Variants in CDH13 observed in about 807,000 individuals in gnomAD.
The protein encoded by CDH13 is cadherin-13.
Under a neutral mutation model 63.8 loss-of-function variants are expected in CDH13, and 24 were observed. That is an observed-to-expected ratio of 0.38 (90% CI 0.27 to 0.53). CDH13 has a LOEUF of 0.53. Ranked by LOEUF, CDH13 falls within the 20% of genes least tolerant of loss-of-function variation. The probability of loss-of-function intolerance (pLI) is 0.85; values close to 1 mark genes in which losing one functional copy is unlikely to be tolerated. For missense variants in CDH13, 1,049 were observed against 903.1 expected (o/e 1.16, Z -2.07); for synonymous variants, 503 against 355.3 (o/e 1.42, Z -4.67).
At chr16:82,725,222 C>T (rs1256972521) in intron 1 of CDH13, among the ~76,000 whole-genome samples, 1 of 152,144 alleles carries the variant, frequency 6.6e-6, no homozygotes, top group East Asian at 1.9e-4. Flanking sequence ...CTGTTTCCCT[C>T]ATTGCAAATA....
At chr16:82,987,717 G>A (rs1227407320) in intron 2 of CDH13, among the ~76,000 whole-genome samples, 3 of 152,126 alleles carry the variant, frequency 2.0e-5, no homozygotes, top group African/African-American at 7.2e-5. Context: ...TTAAGTTGCT[G>A]GTCACTGGTT....
chr16:83,384,971 C>G (rs2091643837), intron 6 of CDH13, among the ~76,000 whole-genome samples: 1 of 152,194 alleles, frequency 6.6e-6, no homozygotes, highest in African/African-American at 2.4e-5. Flanking sequence ...ATTTTTATCT[C>G]AAATAAGCTC....
At chr16:83,646,964 T>A (rs1911880419) in intron 8 of CDH13, among the ~76,000 whole-genome samples, 1 of 151,762 alleles carries the variant, frequency 6.6e-6, no homozygotes, top group Admixed American at 6.6e-5. Context: ...TTCCTGGAGG[T>A]CTACACCAGG....
At chr16:83,532,405 C>G (rs1341880958) in intron 7 of CDH13, among the ~76,000 whole-genome samples, 1 of 152,194 alleles carries the variant, frequency 6.6e-6, no homozygotes, top group Non-Finnish European at 1.5e-5. Flanking sequence ...TAATGCCCAG[C>G]ACCTGGAACC....
At chr16:82,762,658 C>T (rs1022252308) in intron 1 of CDH13, among the ~76,000 whole-genome samples, 10 of 152,132 alleles carry the variant, frequency 6.6e-5, no homozygotes, top group Non-Finnish European at 1.3e-4. Context: ...ATTAAAATCC[C>T]CTGGCCAAAC....
chr16:83,173,455 T>C (rs1414940973), intron 4 of CDH13, among the ~76,000 whole-genome samples: 1 of 151,994 alleles, frequency 6.6e-6, no homozygotes, highest in African/African-American at 2.4e-5. Flanking sequence ...TGGGTCTCTT[T>C]TTATTAAGGC....
chr16:83,216,427 T>TATAAATATAA (rs1555513897), intron 4 of CDH13, among the ~76,000 whole-genome samples: 1 of 45,070 alleles, frequency 2.2e-5, no homozygotes, highest in African/African-American at 5.9e-5. Flanking sequence ...TATATATATA[T>TATAAATATAA]ATATATATAT....
At chr16:82,666,449 A>T (rs1341734542) in intron 1 of CDH13, among the ~76,000 whole-genome samples, 2 of 152,202 alleles carry the variant, frequency 1.3e-5, no homozygotes, top group African/African-American at 4.8e-5. Context: ...TTCCTTCCAC[A>T]TGGAGACCCA....
intron 10 of CDH13, among the ~76,000 whole-genome samples, chr16:83,703,030 C>G (rs1277511531): frequency 6.6e-6 from 1 of 152,188 alleles, no homozygotes; most frequent in African/African-American, 2.4e-5. Flanking sequence ...TGCTATGGAG[C>G]CTATGTTTCC....
At chr16:83,079,287 CCTT>C (rs754895156) in intron 3 of CDH13, among the ~76,000 whole-genome samples, 2 of 152,142 alleles carry the variant, frequency 1.3e-5, no homozygotes, top group South Asian at 2.1e-4. Flanking sequence ...AACGAACACA[CCTT>C]CTTTTATTAA....
intron 2 of CDH13, among the ~76,000 whole-genome samples, chr16:82,907,576 C>G (rs1172500692): frequency 6.6e-6 from 1 of 152,188 alleles, no homozygotes; most frequent in Non-Finnish European, 1.5e-5. Flanking sequence ...TCCATGCTTG[C>G]AATTCTTTTC....
At chr16:83,428,155 A>G (rs1399412583) in intron 6 of CDH13, among the ~76,000 whole-genome samples, 1 of 152,128 alleles carries the variant, frequency 6.6e-6, no homozygotes, top group Non-Finnish European at 1.5e-5. Flanking sequence ...GCACCTTTTG[A>G]CTGCTCATGT....
intron 5 of CDH13, among the ~76,000 whole-genome samples, chr16:83,271,533 A>AC (rs147145759): frequency 0.077 from 11,353 of 147,522 alleles, 485 homozygotes; most frequent in East Asian, 0.15. Flanking sequence ...CAACAACAAA[A>AC]AAAAACGCTG....
At chr16:82,895,302 T>C (rs2041213928) in intron 2 of CDH13, among the ~76,000 whole-genome samples, 1 of 152,176 alleles carries the variant, frequency 6.6e-6, no homozygotes, top group South Asian at 2.1e-4. Context: ...CCCACACATA[T>C]ACTCAATTGT....
Position 83,678,280 on chromosome 16 carries a change from G to A in CDH13, c.1357G>A (p.Asp453Asn), listed in dbSNP as rs373744857. Reference protein sequence around the residue: ...KVENEDPLVPDVSYGPSSTAT... With the variant: ...KVENEDPLVPNVSYGPSSTAT... ...GGAAAATGAAGACCCACTCGTACCC[G>A]ACGTCTCCTACGGCCCCAGCTCCAC... The change falls in exon 10 of 14, where the codon GAC becomes AAC. Residue 453 changes from aspartate (D) to asparagine (N), a missense_variant. Physicochemically the swap from Asp to Asn is conservative, Grantham distance 23. Coordinates refer to ENST00000567109, the MANE Select transcript of CDH13 (RefSeq NM_001257.5). The A allele has an allele frequency of 3.1e-5, 50 of 1,613,806 alleles. No homozygotes were observed. Among genetic ancestry groups the A allele is most frequent in the Middle Eastern group, 3.3e-4 (2 of 6,084 alleles).
intron 3 of CDH13, among the ~76,000 whole-genome samples, chr16:83,040,037 T>C (rs1206231380): frequency 6.6e-6 from 1 of 151,720 alleles, no homozygotes; most frequent in East Asian, 2.0e-4. Flanking sequence ...TTCTTCTGCT[T>C]GTGCCTGTCT....
chr16:83,179,737 C>A (rs924446735), intron 4 of CDH13, among the ~76,000 whole-genome samples: 1 of 152,042 alleles, frequency 6.6e-6, no homozygotes, highest in African/African-American at 2.4e-5. Flanking sequence ...GAATTCGTCT[C>A]CCCAGATTTC....
At chr16:83,691,624 A>C (rs1461754502) in intron 10 of CDH13, among the ~76,000 whole-genome samples, 1 of 152,132 alleles carries the variant, frequency 6.6e-6, no homozygotes, top group South Asian at 2.1e-4. Flanking sequence ...AGACCAGCAC[A>C]GTTCCGTACA....
chr16:83,360,403 A>G (rs150743250), intron 6 of CDH13, among the ~76,000 whole-genome samples: 73 of 152,300 alleles, frequency 4.8e-4, no homozygotes, highest in African/African-American at 1.7e-3. Context: ...AGAGCCTTCT[A>G]CAATTTTAGT....
Sources: gnomAD v4.1 joint callset for allele counts (sites outside exome capture counted in the v4.1 genomes callset) on GRCh38, gnomAD v4.1.1 for gene constraint, MANE v1.5 for transcripts, NCBI Gene and HGNC (gene_info 2026-07-23, HGNC 2026-07-21) for gene names.